Variants in NUBP1 observed in about 807,000 individuals in gnomAD.
The protein encoded by NUBP1 is NUBP iron-sulfur cluster assembly factor 1, cytosolic, also known as cytosolic Fe-S cluster assembly factor NUBP1.
In NUBP1, 46 loss-of-function variants were observed where a neutral mutation model predicts 41.8. The ratio of observed to expected loss-of-function variants is 1.10; its 90% CI spans 0.87 to 1.41. NUBP1 has a LOEUF of 1.41. Ranked by LOEUF, NUBP1 falls within the 40% of genes most tolerant of loss-of-function variation. The pLI, the probability that NUBP1 is intolerant of heterozygous loss-of-function variation, is 0.00. For synonymous variants in NUBP1, 189 were observed against 154.6 expected (o/e 1.22, Z -1.65); for missense variants, 494 against 414.0 (o/e 1.19, Z -1.68).
In NUBP1 at chr16:10,766,361, T is replaced by G. The variant is rs2030872374; in HGVS notation, c.821-1588T>G. ...AGGGCTGTGCTCACACCAGCTGTTC[T>G]GATAATGCTGCCCGTTCTTGGAGAG... On this transcript the variant is annotated intron_variant, in intron 9 of 10. Coordinates refer to ENST00000283027, the MANE Select transcript of NUBP1 (RefSeq NM_002484.4). This position sits in a 1 kb window ranked among gnomAD's most constrained non-coding sequence, Gnocchi z 4.8. Among the ~76,000 whole-genome samples the G allele has an allele frequency of 6.6e-6, 1 of 152,174 alleles. No individual in the cohort carries two copies. The highest frequency in any genetic ancestry group is 2.4e-5 in the African/African-American group (1 of 41,432).
rs1374327080 is a variant in NUBP1 at position 10,747,283 on chromosome 16, C to A, written c.258+7C>A. On this transcript the variant is annotated splice_region_variant and intron_variant, in intron 3 of 10. Transcript: ENST00000283027. The stretch of plus-strand genomic sequence containing the variant: ...AGAGGATGAAAACACACAGGTGAGA[C>A]CTCAGGAACCACTGGGAGATGCTCA... The A allele has an allele frequency of 1.2e-6, 2 of 1,612,766 alleles. No individual in the cohort carries two copies. Among genetic ancestry groups the A allele is most frequent in the Non-Finnish European group, 1.7e-6 (2 of 1,179,780 alleles).
In NUBP1 at chr16:10,767,234, C is replaced by T. The variant is rs1174574533; in HGVS notation, c.821-715C>T. 1.3e-5 allele frequency: 5 copies of T among 399,780 alleles called. 1 individual carries two copies. In the East Asian group the frequency reaches 1.8e-4, roughly 14 times the overall value. The allele number at this position is 399,780 out of a possible 1,614,324, so 24.8% of individuals were successfully genotyped here. On this transcript the variant is annotated intron_variant, in intron 9 of 10. Transcript: ENST00000283027. This position sits in a 1 kb window ranked among gnomAD's most constrained non-coding sequence, Gnocchi z 4.6. ...CAGGGCAGACTGGAGGCGAGAACAC[C>T]CCCATTGACCCCTAGCCCCTTGTGT...
chr16:10,750,060 TG>T (rs1900248724), intron 3 of NUBP1, among the ~76,000 whole-genome samples: 1 of 152,100 alleles, frequency 6.6e-6, no homozygotes, highest in Non-Finnish European at 1.5e-5. Flanking sequence ...TAGCCAGGTG[TG>T]GTGGTAAGCA....
In NUBP1 at chr16:10,743,858, G is replaced by A; in HGVS notation, c.-6G>A. 1 of 1,563,494 alleles carries A rather than the reference G, an allele frequency of 6.4e-7. No homozygotes were observed. Among genetic ancestry groups the A allele is most frequent in the Non-Finnish European group, 8.7e-7 (1 of 1,154,260 alleles). On this transcript the variant is annotated 5_prime_UTR_variant, in exon 1 of 11. Coordinates refer to ENST00000283027, the MANE Select transcript of NUBP1 (RefSeq NM_002484.4). ...CGGTGACCACGAAGGCGGCAAAGGC[G>A]ACGGAATGGAGGAGGTGCCTCACGG...
At chr16:10,751,683 A>G (rs1417569956) in intron 3 of NUBP1, among the ~76,000 whole-genome samples, 1 of 152,140 alleles carries the variant, frequency 6.6e-6, no homozygotes, top group Non-Finnish European at 1.5e-5. Flanking sequence ...TTGGGGTGGA[A>G]TGGGGTCGCC....
At position 10,765,262 on chromosome 16, in the gene NUBP1, T is replaced by TAC. The variant is rs139167455; in HGVS notation, c.821-2667_821-2666dup. ...AATGATAGCAACTAACTCCATTAAA[T>TAC]ACACACACACACACACACACAACCA... is the stretch of plus-strand genomic sequence containing the variant. On this transcript the variant is annotated intron_variant, in intron 9 of 10. Coordinates refer to ENST00000283027, the MANE Select transcript of NUBP1 (RefSeq NM_002484.4). This position sits in a 1 kb window ranked among gnomAD's most constrained non-coding sequence, Gnocchi z 4.0. 0.12 allele frequency: 14,862 copies of TAC among 128,836 alleles called. 887 individuals carry two copies. The highest frequency in any genetic ancestry group is 0.19 in the African/African-American group (6,420 of 34,176). 8.0% of individuals were successfully genotyped at this position (128,836 alleles called of 1,614,324 possible). A position where few individuals can be genotyped will look rare whatever the true frequency, so the allele number is the denominator to read the frequency against.
Position 10,768,657 on chromosome 16 carries a change from C to G in NUBP1, c.905-390C>G. 1 of 191,644 alleles carries G rather than the reference C, an allele frequency of 5.2e-6. No homozygotes were observed. The highest frequency in any genetic ancestry group is 1.1e-5 in the Non-Finnish European group (1 of 94,982). The allele number at this position is 191,644 out of a possible 1,614,324, so 11.9% of individuals were successfully genotyped here. ...ACTTTGTTGAGCCAGACCAAACCCA[C>G]GTGCAGGCCACATTCAGCCAGTGGC... On this transcript the variant is annotated intron_variant, in intron 10 of 10. Transcript: ENST00000283027. The surrounding 1 kb of genome is among the most constrained non-coding windows in gnomAD (Gnocchi z 4.3).
Position 10,749,516 on chromosome 16 carries a change from T to C in NUBP1, c.258+2240T>C, listed in dbSNP as rs1385242350. 6.6e-6 allele frequency among the ~76,000 whole-genome samples: 1 copy of C among 152,164 alleles called. No homozygotes were observed. Among genetic ancestry groups the C allele is most frequent in the Non-Finnish European group, 1.5e-5 (1 of 68,020 alleles). ...ATATGGCTAGATCAGCTGTATTTTT[T>C]TATGCAGTGGTGGTTTAAAAAAAAA... On this transcript the variant is annotated intron_variant, in intron 3 of 10. Coordinates refer to ENST00000283027, the MANE Select transcript of NUBP1 (RefSeq NM_002484.4). This position sits in a 1 kb window ranked among gnomAD's most constrained non-coding sequence, Gnocchi z 4.1.
At chr16:10,754,767 G>A (rs1900478229) in intron 4 of NUBP1, among the ~76,000 whole-genome samples, 1 of 151,976 alleles carries the variant, frequency 6.6e-6, no homozygotes, top group Non-Finnish European at 1.5e-5. Flanking sequence ...TGTGGTGACT[G>A]GGTACAGTGG....
At chr16:10,754,022 A>G (rs1346214511) in intron 4 of NUBP1, among the ~76,000 whole-genome samples, 1 of 152,180 alleles carries the variant, frequency 6.6e-6, no homozygotes, top group Admixed American at 6.5e-5. Context: ...ATTTGGTAGC[A>G]CACGCCACAG....
In NUBP1 at chr16:10,767,590, T is replaced by G. The variant is rs1360331095; in HGVS notation, c.821-359T>G. The G allele has an allele frequency of 2.2e-6, 1 of 457,192 alleles. No homozygotes were observed. The allele number at this position is 457,192 out of a possible 1,614,324, so 28.3% of individuals were successfully genotyped here. ...CTTGGCCTTTTATGCCATATCCTTTTGCATTCTGTACTTTTTTTAACCATG... is the reference window on the plus strand; with the variant it reads ...CTTGGCCTTTTATGCCATATCCTTTGGCATTCTGTACTTTTTTTAACCATG... On this transcript the variant is annotated intron_variant, in intron 9 of 10. Coordinates refer to ENST00000283027, the MANE Select transcript of NUBP1 (RefSeq NM_002484.4). This position sits in a 1 kb window ranked among gnomAD's most constrained non-coding sequence, Gnocchi z 4.6.
intron 3 of NUBP1, among the ~76,000 whole-genome samples, chr16:10,748,653 A>G (rs1229559233): frequency 2.0e-5 from 3 of 152,192 alleles, no homozygotes; most frequent in Non-Finnish European, 2.9e-5. Context: ...GGGCCCGACG[A>G]ATAGTCAATG....
chr16:10,758,596 C>A (rs1316868782), intron 7 of NUBP1, among the ~76,000 whole-genome samples: 1 of 152,136 alleles, frequency 6.6e-6, no homozygotes, highest in Non-Finnish European at 1.5e-5. Context: ...GCTTTTTGAA[C>A]TTTCCTTGAG....
In NUBP1 at chr16:10,756,766, G is replaced by A. The variant is rs772277611; in HGVS notation, c.437G>A (p.Gly146Glu). 2 of 1,592,166 alleles carry A rather than the reference G, an allele frequency of 1.3e-6. No homozygotes were observed. The highest frequency in any genetic ancestry group is 1.4e-5 in the African/African-American group (1 of 73,210). ...SSPDDAVIWR[G>E]PKKNGMIKQF... ...CCTGATGATGCTGTTATCTGGAGGG[G>A]ACCCAAGAAAAACGGTTTGCCACTC... The change falls in exon 6 of 11, where the codon GGA becomes GAA. Residue 146 changes from glycine (G) to glutamate (E), a missense_variant. Physicochemically the swap from Gly to Glu is moderately conservative, Grantham distance 98. Transcript: ENST00000283027.
intron 3 of NUBP1, among the ~76,000 whole-genome samples, chr16:10,752,036 G>T (rs1362057895): frequency 6.6e-6 from 1 of 152,178 alleles, no homozygotes; most frequent in Non-Finnish European, 1.5e-5. Context: ...CCAAAGTGTT[G>T]GGATTACAGG....
rs969045878 is a variant in NUBP1 at position 10,765,043 on chromosome 16, C to T, written c.821-2906C>T. 10 of 156,686 alleles carry T rather than the reference C, an allele frequency of 6.4e-5. No homozygotes were observed. Among genetic ancestry groups the T allele is most frequent in the African/African-American group, 1.7e-4 (7 of 41,590 alleles). 9.7% of individuals were successfully genotyped at this position (156,686 alleles called of 1,614,324 possible). A position where few individuals can be genotyped will look rare whatever the true frequency, so the allele number is the denominator to read the frequency against. On this transcript the variant is annotated intron_variant, in intron 9 of 10. Coordinates refer to ENST00000283027, the MANE Select transcript of NUBP1 (RefSeq NM_002484.4). This position sits in a 1 kb window ranked among gnomAD's most constrained non-coding sequence, Gnocchi z 4.0. ...AGCGTGCCTGCCCGAGTGCCATGCT[C>T]GTCTCAGTCACTAGCTAGGAGCAGC...
chr16:10,756,497 C>CCCAACAAGGTA (rs990901146), intron 5 of NUBP1, among the ~76,000 whole-genome samples, 193 bp from the exon 6 acceptor site: 2 of 151,730 alleles, frequency 1.3e-5, no homozygotes, highest in Non-Finnish European at 2.9e-5. Context: ...TTTCAAATCC[C>CCCAACAAGGTA]CCAACATGGT....
At chr16:10,761,908 C>CCCGTGCCTGTG in intron 9 of NUBP1, 49 bp downstream of exon 9, 1 of 1,458,138 alleles carries the variant, frequency 6.9e-7, no homozygotes, top group Non-Finnish European at 9.6e-7. Context: ...GTCAGCCCCA[C>CCCGTGCCTGTG]AGGCACGGGT....
intron 9 of NUBP1, among the ~76,000 whole-genome samples, chr16:10,764,581 G>A (rs1429456413): frequency 6.7e-6 from 1 of 149,952 alleles, no homozygotes; most frequent in African/African-American, 2.5e-5. Flanking sequence ...GCTGGAGTAT[G>A]TCAGTCTATT....
Sources: gnomAD v4.1 joint callset for allele counts (sites outside exome capture counted in the v4.1 genomes callset) on GRCh38, gnomAD v4.1.1 for gene constraint, Gnocchi (gnomAD v3.1) non-coding constraint, MANE v1.5 for transcripts, NCBI Gene and HGNC (gene_info 2026-07-23, HGNC 2026-07-21) for gene names.